The following NFATC3 variants were observed in gnomAD, a reference collection of about 807,000 sequenced individuals.
The protein encoded by NFATC3 is nuclear factor of activated T-cells, cytoplasmic 3.
A neutral mutation model predicts 98.6 loss-of-function variants in NFATC3; 46 were observed. The ratio of observed to expected loss-of-function variants is 0.47; its 90% CI spans 0.37 to 0.60. The LOEUF (loss-of-function observed/expected upper bound fraction) is 0.60, where lower values mean the gene tolerates loss of function less well. Ranked by LOEUF, NFATC3 falls within the 20% of genes least tolerant of loss-of-function variation. The pLI, the probability that NFATC3 is intolerant of heterozygous loss-of-function variation, is 0.00. For missense variants in NFATC3, 1,256 were observed against 1,295.5 expected, an observed-to-expected ratio of 0.97 and a Z score of 0.47; for synonymous variants, 512 against 472.2, an observed-to-expected ratio of 1.08 and a Z score of -1.09.
intron 9 of NFATC3, among the ~76,000 whole-genome samples, chr16:68,204,711 T>C (rs979001074): frequency 1.3e-5 from 2 of 152,238 alleles, no homozygotes; most frequent in East Asian, 1.9e-4. Context: ...TGTGCTGCCA[T>C]GTGTAAGATA....
chr16:68,141,665 G>GT (rs1237122482), intron 3 of NFATC3, among the ~76,000 whole-genome samples: 4 of 151,144 alleles, frequency 2.6e-5, no homozygotes, highest in African/African-American at 4.9e-5. Context: ...GGGATTATTT[G>GT]TTTTTTTCTT....
rs550567792 is a variant in NFATC3 at position 68,173,645 on chromosome 16, G to A, written c.1775-729G>A. ...GTCTAGTAGTAGTTTCCTAGAACTT[G>A]TCTTCTCTTCATTGCACGCAATATA... is the stretch of plus-strand genomic sequence containing the variant. On this transcript the variant is annotated intron_variant, in intron 5 of 9. Transcript: ENST00000346183. Among the ~76,000 whole-genome samples, 15 of 152,282 alleles carry A rather than the reference G, an allele frequency of 9.9e-5. No individual in the cohort carries two copies. In the South Asian group the frequency reaches 2.7e-3, roughly 27 times the overall value.
chr16:68,166,797 C>T (rs2039220781), intron 4 of NFATC3, 46 bp from the exon 5 acceptor site: 1 of 1,445,200 alleles, frequency 6.9e-7, no homozygotes, highest in Non-Finnish European at 9.4e-7. Flanking sequence ...TGTTTATAAC[C>T]ATGATTATCA....
At chr16:68,167,849 T>TTTTTTTTTG (rs2039280290) in intron 5 of NFATC3, among the ~76,000 whole-genome samples, 3 of 126,980 alleles carry the variant, frequency 2.4e-5, no homozygotes, top group Non-Finnish European at 4.9e-5. Flanking sequence ...TTTTTTTTTT[T>TTTTTTTTTG]GAGACGGAGA....
rs1425685814 is a variant in NFATC3, at chr16:68,166,905, C to G, written c.1664C>G (p.Thr555Ser). 1 of 1,613,940 alleles carries G rather than the reference C, an allele frequency of 6.2e-7. No homozygotes were observed. The highest frequency in any genetic ancestry group is 8.5e-7 in the Non-Finnish European group (1 of 1,179,982). The change falls in exon 5 of 10, where the codon ACT becomes AGT. Residue 555 changes from threonine to serine, a missense_variant. By Grantham distance (58) the Thr-to-Ser change is moderately conservative. Transcript: ENST00000346183. ...NSDIELRKGE[T>S]DIGRKNTRVR... is the part of the protein sequence containing the mutation. The stretch of plus-strand genomic sequence containing the variant: ...GATATAGAACTTCGAAAAGGAGAAA[C>G]TGATATTGGCAGAAAGAATACTAGA...
rs1310142323 is a variant in NFATC3 at position 68,164,366 on chromosome 16, CAGAGGGAGACCGTGGAAAGAGAGGG to C, written c.1602-2461_1602-2437del. 5.9e-5 allele frequency among the ~76,000 whole-genome samples: 9 copies of C among 152,204 alleles called. No individual in the cohort carries two copies. In the East Asian group the frequency reaches 9.7e-4, roughly 16 times the overall value. ...GTACAGTCCAGCTTCGGCTCGGTAT[CAGAGGGAGACCGTGGAAAGAGAGGG>C]AGAGGGAGACCGTGGGGAGAGGGAG... On this transcript the variant is annotated intron_variant, in intron 4 of 9. Transcript: ENST00000346183.
intron 1 of NFATC3, among the ~76,000 whole-genome samples, chr16:68,107,217 G>C (rs2035707278): frequency 6.6e-6 from 1 of 152,186 alleles, no homozygotes; most frequent in Non-Finnish European, 1.5e-5. Flanking sequence ...ACACATGCAT[G>C]TATCTTTATA....
intron 3 of NFATC3, among the ~76,000 whole-genome samples, chr16:68,157,501 A>G (rs60542383): frequency 0.013 from 2,003 of 152,282 alleles, 43 homozygotes; most frequent in African/African-American, 0.045. Flanking sequence ...GGACCTTCCT[A>G]TATACCCAAA....
chr16:68,219,767 G>T (rs1323195026), intron 9 of NFATC3, among the ~76,000 whole-genome samples: 1 of 152,142 alleles, frequency 6.6e-6, no homozygotes, highest in Non-Finnish European at 1.5e-5. Context: ...TTGCAAATTA[G>T]AAAGGCCCGT....
intron 1 of NFATC3, chr16:68,089,342 TGAC>T: frequency 2.1e-6 from 2 of 945,818 alleles, no homozygotes; most frequent in Non-Finnish European, 2.5e-6. Context: ...CATTTGTGAC[TGAC>T]GACTGACTTT....
At chr16:68,115,736 T>C (rs533302694) in intron 1 of NFATC3, among the ~76,000 whole-genome samples, 1 of 152,124 alleles carries the variant, frequency 6.6e-6, no homozygotes, top group Non-Finnish European at 1.5e-5. Context: ...ATTGTTTTTT[T>C]TTGTTGTTGT....
chr16:68,165,616 G>A (rs942721330), intron 4 of NFATC3, among the ~76,000 whole-genome samples: 11 of 151,966 alleles, frequency 7.2e-5, no homozygotes, highest in African/African-American at 2.4e-4. Context: ...GGCTGGTCTC[G>A]AAATACTGAC....
At chr16:68,121,565 G>C (rs902081569) in intron 1 of NFATC3, among the ~76,000 whole-genome samples, 1 of 151,120 alleles carries the variant, frequency 6.6e-6, no homozygotes, top group African/African-American at 2.4e-5. Context: ...AGCTACTCCA[G>C]AGGCTGAGGA....
intron 1 of NFATC3, among the ~76,000 whole-genome samples, chr16:68,118,493 T>C (rs932300635): frequency 6.6e-6 from 1 of 152,206 alleles, no homozygotes; most frequent in African/African-American, 2.4e-5. Context: ...TGCATTCTTT[T>C]GGTTATTGTT....
chr16:68,099,447 AT>A lies in NFATC3; in HGVS notation c.103+13664del, dbSNP rs752397597. Among the ~76,000 whole-genome samples, 9 of 151,396 alleles carry A rather than the reference AT, an allele frequency of 5.9e-5. No homozygotes were observed. In the South Asian group the frequency reaches 1.0e-3, roughly 17 times the overall value. Reference sequence around the variant, plus strand: ...GAGACCCCACCTCAAAAAAAAAAAAATATATTAGCCGGGCATGGTGGTGGGT... The same window carrying A: ...GAGACCCCACCTCAAAAAAAAAAAAAATATTAGCCGGGCATGGTGGTGGGT... On this transcript the variant is annotated intron_variant, in intron 1 of 9. Coordinates refer to ENST00000346183, the MANE Select transcript of NFATC3 (RefSeq NM_173165.3).
chr16:68,090,335 A>G (rs1440450675), intron 1 of NFATC3, among the ~76,000 whole-genome samples: 1 of 120,690 alleles, frequency 8.3e-6, no homozygotes, highest in Non-Finnish European at 1.7e-5. Flanking sequence ...ACACACACAC[A>G]CACACGCACA....
chr16:68,112,750 C>T (rs2036045147), intron 1 of NFATC3, among the ~76,000 whole-genome samples: 1 of 149,496 alleles, frequency 6.7e-6, no homozygotes, highest in Admixed American at 6.7e-5. Flanking sequence ...GCTCCGCTTC[C>T]TGGGTTCACG....
intron 1 of NFATC3, among the ~76,000 whole-genome samples, chr16:68,121,542 G>A (rs2036581887): frequency 1.3e-5 from 2 of 151,462 alleles, no homozygotes; most frequent in Non-Finnish European, 2.9e-5. Context: ...AGTGTGGCAT[G>A]TACCTGTGTC....
chr16:68,209,959 A>G (rs578223245), intron 9 of NFATC3, among the ~76,000 whole-genome samples: 1 of 147,598 alleles, frequency 6.8e-6, no homozygotes, highest in Admixed American at 6.7e-5. Context: ...CGAGCCCAAG[A>G]GTTCAAGACC....
Sources: allele counts gnomAD v4.1 joint callset (sites outside exome capture counted in the v4.1 genomes callset), GRCh38; gene constraint gnomAD v4.1.1; transcripts MANE v1.5; gene names NCBI Gene and HGNC (gene_info 2026-07-23, HGNC 2026-07-21).